MAN1A1: variants seen among roughly 807,000 people sequenced by gnomAD.
MAN1A1 encodes the protein mannosidase alpha class 1A member 1.
In MAN1A1, 29 loss-of-function variants were observed where a neutral mutation model predicts 70.8. That is an observed-to-expected ratio of 0.41 (90% confidence interval 0.31 to 0.56). The LOEUF is 0.56. Ranked by LOEUF, MAN1A1 falls within the 20% of genes least tolerant of loss-of-function variation. The pLI, the probability that MAN1A1 is intolerant of heterozygous loss-of-function variation, is 0.29. For missense variants in MAN1A1, 747 were observed against 841.3 expected (o/e 0.89, Z 1.39); for synonymous variants, 349 against 330.1 (o/e 1.06, Z -0.62).
At chr6:119,279,995 T>C (rs985438902) in intron 5 of MAN1A1, among the ~76,000 whole-genome samples, 1 of 152,244 alleles carries the variant, frequency 6.6e-6, no homozygotes, top group Non-Finnish European at 1.5e-5. Context: ...GTTTTCAAAA[T>C]AGTATTTTCT....
At chr6:119,271,271 T>A (rs187305317) in intron 5 of MAN1A1, among the ~76,000 whole-genome samples, 1 of 152,276 alleles carries the variant, frequency 6.6e-6, no homozygotes, top group Admixed American at 6.5e-5. Flanking sequence ...TCTAGAAAAA[T>A]GGATTTAAAG....
chr6:119,316,211 CTT>C (rs1772849944), intron 2 of MAN1A1, among the ~76,000 whole-genome samples: 5 of 116,468 alleles, frequency 4.3e-5, no homozygotes, highest in Non-Finnish European at 6.7e-5. Flanking sequence ...GAGTTTTGCT[CTT>C]GTTGCCCAGG....
rs117008558 is a variant in MAN1A1, at chr6:119,312,035, T to A, written c.604-5043A>T. Among the ~76,000 whole-genome samples the A allele has an allele frequency of 3.9e-5, 6 of 152,244 alleles. No homozygotes were observed. The East Asian group carries it at 1.2e-3, about 29-fold the overall frequency. On this transcript the variant is annotated intron_variant, in intron 2 of 12. Transcript: ENST00000368468. ...TAGAGACCAACAGACAGAGGCCATG[T>A]TTGGCTCACTTATATAACAGTCCGC...
chr6:119,316,788 T>G (rs537236407), intron 2 of MAN1A1, among the ~76,000 whole-genome samples: 2 of 152,200 alleles, frequency 1.3e-5, no homozygotes, highest in Admixed American at 1.3e-4. Flanking sequence ...ATTCCTTTTT[T>G]AAACTTTACA....
intron 6 of MAN1A1, among the ~76,000 whole-genome samples, chr6:119,210,293 A>G (rs1309687428): frequency 6.6e-6 from 1 of 152,164 alleles, no homozygotes; most frequent in African/African-American, 2.4e-5. Context: ...AGATAAGTCG[A>G]GTGCAGTTTC....
intron 9 of MAN1A1, among the ~76,000 whole-genome samples, chr6:119,192,877 T>C (rs187463104): frequency 6.6e-5 from 10 of 152,260 alleles, no homozygotes; most frequent in African/African-American, 2.4e-4. Context: ...TTATTTTCGG[T>C]TTTGATTGAG....
chr6:119,198,574 C>T (rs1475610115), intron 8 of MAN1A1, among the ~76,000 whole-genome samples: 1 of 152,104 alleles, frequency 6.6e-6, no homozygotes, highest in Non-Finnish European at 1.5e-5. Context: ...ATTTTCGTTA[C>T]CTCGTTTAAA....
chr6:119,319,390 A>AATAATAATC (rs1554215455), intron 2 of MAN1A1, among the ~76,000 whole-genome samples: 1 of 143,716 alleles, frequency 7.0e-6, no homozygotes, highest in African/African-American at 2.6e-5. Flanking sequence ...TAATAATAAT[A>AATAATAATC]ATCATCATCA....
At chr6:119,183,210 G>A (rs976885070) in intron 11 of MAN1A1, among the ~76,000 whole-genome samples, 3 of 152,146 alleles carry the variant, frequency 2.0e-5, no homozygotes, top group Non-Finnish European at 4.4e-5. Flanking sequence ...AAGAAATTCT[G>A]GCCAGCAGGC....
intron 4 of MAN1A1, among the ~76,000 whole-genome samples, chr6:119,298,992 G>A (rs919595439): frequency 7.9e-5 from 12 of 151,770 alleles, no homozygotes; most frequent in Non-Finnish European, 1.2e-4. Context: ...AAGCTAGAAT[G>A]ATACTACATG....
upstream of MAN1A1, chr6:119,350,484 T>A (rs1260125481): frequency 1.0e-6 from 1 of 981,990 alleles, no homozygotes; most frequent in Non-Finnish European, 1.2e-6. Flanking sequence ...CGAAAAAACT[T>A]GTATGTCTCT....
intron 10 of MAN1A1, among the ~76,000 whole-genome samples, 200 bp from the exon 11 acceptor site, chr6:119,188,777 C>T (rs116273053): frequency 9.7e-4 from 148 of 152,304 alleles, no homozygotes; most frequent in African/African-American, 3.4e-3. Context: ...AACCTGGGTA[C>T]ATCCTCCCAT....
At chr6:119,307,086 A>C in intron 2 of MAN1A1, 94 bp from the exon 3 acceptor site, 1 of 779,936 alleles carries the variant, frequency 1.3e-6, no homozygotes, top group Non-Finnish European at 2.1e-6. Context: ...CTAAAACATT[A>C]AAATTCATTA....
chr6:119,319,338 T>G (rs1772940715), intron 2 of MAN1A1, among the ~76,000 whole-genome samples: 1 of 150,820 alleles, frequency 6.6e-6, no homozygotes, highest in East Asian at 1.9e-4. Context: ...AGAGCCTGAT[T>G]TTTTTTCTTC....
At chr6:119,235,411 C>G (rs958062380) in intron 6 of MAN1A1, among the ~76,000 whole-genome samples, 1 of 152,272 alleles carries the variant, frequency 6.6e-6, no homozygotes, top group South Asian at 2.1e-4. Context: ...GAAGATCACA[C>G]CAACCACAAC....
At chr6:119,289,543 G>A (rs1776476604) in intron 5 of MAN1A1, among the ~76,000 whole-genome samples, 1 of 151,862 alleles carries the variant, frequency 6.6e-6, no homozygotes, top group South Asian at 2.1e-4. Context: ...AAAAAGGGAG[G>A]AAGAGGCATA....
intron 5 of MAN1A1, among the ~76,000 whole-genome samples, chr6:119,255,659 C>T (rs192207072): frequency 7.9e-5 from 12 of 152,270 alleles, no homozygotes; most frequent in Non-Finnish European, 1.6e-4. Context: ...TCAGAGAGGG[C>T]CTATTCTCCT....
chr6:119,272,630 CT>C (rs1395103074), intron 5 of MAN1A1, among the ~76,000 whole-genome samples: 1 of 152,052 alleles, frequency 6.6e-6, no homozygotes, highest in African/African-American at 2.4e-5. Flanking sequence ...AATAATTCAA[CT>C]TTTGACTTCT....
At chr6:119,219,339 C>A (rs573044043) in intron 6 of MAN1A1, among the ~76,000 whole-genome samples, 1 of 152,230 alleles carries the variant, frequency 6.6e-6, no homozygotes, top group South Asian at 2.1e-4. Context: ...GTCAGATAAT[C>A]ATTAAGCAGC....
Sources: allele counts gnomAD v4.1 joint callset (sites outside exome capture counted in the v4.1 genomes callset), GRCh38; gene constraint gnomAD v4.1.1; transcripts MANE v1.5; gene names NCBI Gene and HGNC (gene_info 2026-07-23, HGNC 2026-07-21).